The following DGKB variants were observed in gnomAD, a reference collection of about 807,000 sequenced individuals.
DGKB encodes the protein diacylglycerol kinase beta.
Under a neutral mutation model 114.3 loss-of-function variants are expected in DGKB, and 67 were observed. The ratio of observed to expected loss-of-function variants is 0.59; its 90% CI spans 0.48 to 0.72. DGKB has a LOEUF of 0.72. Among genes scored for constraint, DGKB ranks in the 30% least tolerant of loss-of-function variants. DGKB has a pLI of 0.00. For missense variants in DGKB, 907 were observed against 975.2 expected (o/e 0.93, Z 0.93); for synonymous variants, 398 against 323.1 (o/e 1.23, Z -2.49).
At chr7:14,353,251 C>A (rs1813811544) in intron 21 of DGKB, among the ~76,000 whole-genome samples, 1 of 152,162 alleles carries the variant, frequency 6.6e-6, no homozygotes. Context: ...TTAGATGACA[C>A]CTTTGTTCAT....
chr7:14,887,036 AAGCCTTTCAG>A (rs952636642), intron 1 of DGKB, among the ~76,000 whole-genome samples: 7 of 151,878 alleles, frequency 4.6e-5, no homozygotes, highest in African/African-American at 1.4e-4. Context: ...TTTCTTCAAA[AAGCCTTTCAG>A]ATTCTCTTGA....
At chr7:14,938,143 T>A (rs1785373799) in intron 1 of DGKB, among the ~76,000 whole-genome samples, 1 of 152,252 alleles carries the variant, frequency 6.6e-6, no homozygotes, top group Non-Finnish European at 1.5e-5. Context: ...CATCTCTGTG[T>A]GTGCCCATAT....
At chr7:14,160,233 C>T (rs1204993802) in intron 25 of DGKB, among the ~76,000 whole-genome samples, 2 of 152,138 alleles carry the variant, frequency 1.3e-5, no homozygotes, top group Non-Finnish European at 2.9e-5. Context: ...GATATCCTCT[C>T]TCACCACTTT....
chr7:14,796,660 T>C (rs1055646137), intron 2 of DGKB, among the ~76,000 whole-genome samples: 3 of 150,838 alleles, frequency 2.0e-5, no homozygotes, highest in Non-Finnish European at 2.9e-5. Context: ...ATGCTGAAGA[T>C]ATTTTACTTG....
intron 2 of DGKB, among the ~76,000 whole-genome samples, chr7:14,795,460 C>A (rs1266082906): frequency 6.6e-6 from 1 of 152,130 alleles, no homozygotes; most frequent in Non-Finnish European, 1.5e-5. Flanking sequence ...TCATTTAAGG[C>A]CTACTTACCC....
intron 23 of DGKB, among the ~76,000 whole-genome samples, chr7:14,285,837 C>G (rs755589898): frequency 5.3e-5 from 8 of 152,052 alleles, no homozygotes; most frequent in Non-Finnish European, 1.2e-4. Context: ...GCCTTAAAAT[C>G]CCTAATGGCA....
Position 14,427,572 on chromosome 7 carries a change from G to C in DGKB, c.1835+50589C>G, listed in dbSNP as rs1397555190. Among the ~76,000 whole-genome samples the C allele has an allele frequency of 2.0e-5, 3 of 152,248 alleles. No homozygotes were observed. The East Asian group carries it at 5.8e-4, about 29-fold the overall frequency. On this transcript the variant is annotated intron_variant, in intron 21 of 25. Transcript: ENST00000402815. ...TCACGCTGCTGATAGAGACATATCTGAGACAGGGTGATTTACAAAAGAAAG... is the reference window on the plus strand; with the variant it reads ...TCACGCTGCTGATAGAGACATATCTCAGACAGGGTGATTTACAAAAGAAAG...
chr7:14,957,828 A>G (rs902456848), intron 1 of DGKB, among the ~76,000 whole-genome samples: 6 of 152,082 alleles, frequency 3.9e-5, no homozygotes, highest in African/African-American at 1.4e-4. Context: ...AATAAAGTAA[A>G]TGGATTCATT....
At chr7:14,271,312 C>T (rs186269169) in intron 23 of DGKB, among the ~76,000 whole-genome samples, 2 of 152,202 alleles carry the variant, frequency 1.3e-5, no homozygotes, top group Admixed American at 6.5e-5. Context: ...TGATCATGTA[C>T]GTGTCTTTGA....
At chr7:14,423,765 C>G (rs1827093046) in intron 21 of DGKB, among the ~76,000 whole-genome samples, 1 of 152,088 alleles carries the variant, frequency 6.6e-6, no homozygotes, top group Admixed American at 6.6e-5. Context: ...CATAACTGCT[C>G]TAACCCTTGA....
chr7:14,380,885 TTA>T (rs1168421020), intron 21 of DGKB, among the ~76,000 whole-genome samples: 9 of 152,186 alleles, frequency 5.9e-5, no homozygotes, highest in Non-Finnish European at 1.2e-4. Flanking sequence ...AAATTTGTGA[TTA>T]TGTTTTGATA....
intron 14 of DGKB, among the ~76,000 whole-genome samples, chr7:14,626,078 C>T (rs1457677657): frequency 6.6e-6 from 1 of 152,086 alleles, no homozygotes; most frequent in East Asian, 1.9e-4. Flanking sequence ...AAAGACCTCA[C>T]TTTAAATATG....
intron 1 of DGKB, among the ~76,000 whole-genome samples, chr7:14,893,761 C>T (rs1392380772): frequency 2.0e-5 from 3 of 151,174 alleles, no homozygotes; most frequent in Non-Finnish European, 4.4e-5. Flanking sequence ...TCTATTCTTC[C>T]CTCAAGATCT....
chr7:14,490,252 G>A (rs1784417870), intron 20 of DGKB, among the ~76,000 whole-genome samples: 2 of 152,100 alleles, frequency 1.3e-5, no homozygotes, highest in Admixed American at 6.6e-5. Context: ...TAGTTACATA[G>A]TCTACTATCT....
chr7:14,585,527 G>A (rs1412799072), intron 17 of DGKB, among the ~76,000 whole-genome samples: 1 of 152,170 alleles, frequency 6.6e-6, no homozygotes, highest in Non-Finnish European at 1.5e-5. Flanking sequence ...TTCTACTGCT[G>A]TGTTAAATAC....
rs184963866 is a variant in DGKB, at chr7:14,355,705, C to T, written c.1836-10314G>A. ...AGTATTTTATTGAGGACTTTTGCATCGATCTTCATCAGGGATATTGGTCTA... is the reference window on the plus strand; with the variant it reads ...AGTATTTTATTGAGGACTTTTGCATTGATCTTCATCAGGGATATTGGTCTA... On this transcript the variant is annotated intron_variant, in intron 21 of 25. Coordinates refer to ENST00000402815, the MANE Select transcript of DGKB (RefSeq NM_001350709.2). 6.6e-5 allele frequency among the ~76,000 whole-genome samples: 10 copies of T among 152,230 alleles called. No individual in the cohort carries two copies. In the East Asian group the frequency reaches 9.6e-4, roughly 15 times the overall value.
At chr7:14,386,588 A>G (rs1376128737) in intron 21 of DGKB, among the ~76,000 whole-genome samples, 3 of 152,234 alleles carry the variant, frequency 2.0e-5, no homozygotes, top group Non-Finnish European at 4.4e-5. Context: ...TTTTAGTGAA[A>G]TGCAAGAGAT....
At chr7:14,388,386 A>C in intron 21 of DGKB, among the ~76,000 whole-genome samples, 1 of 148,186 alleles carries the variant, frequency 6.7e-6, no homozygotes, top group South Asian at 2.1e-4. Flanking sequence ...GTGTATATAC[A>C]TACTTAAATA....
At chr7:14,769,228 G>GAAAGAAAGAAAGAA (rs1554265922) in intron 2 of DGKB, among the ~76,000 whole-genome samples, 9 of 119,686 alleles carry the variant, frequency 7.5e-5, no homozygotes, top group Non-Finnish European at 1.0e-4. Flanking sequence ...GAAAGAGAGA[G>GAAAGAAAGAAAGAA]AGAAAGAAAG....
Sources: gnomAD v4.1 joint callset for allele counts (sites outside exome capture counted in the v4.1 genomes callset) on GRCh38, gnomAD v4.1.1 for gene constraint, MANE v1.5 for transcripts, NCBI Gene and HGNC (gene_info 2026-07-23, HGNC 2026-07-21) for gene names.